Variants in PTER observed in about 807,000 individuals in gnomAD.
PTER encodes the protein N-acetyltaurine hydrolase.
PTER carries 38 observed loss-of-function variants against 29.6 expected under a neutral mutation model. That is an observed-to-expected ratio of 1.28 (90% CI 0.99 to 1.68). The LOEUF (loss-of-function observed/expected upper bound fraction) is 1.68, where lower values mean the gene tolerates loss of function less well. Among genes scored for constraint, PTER ranks in the 40% most tolerant of loss-of-function variants. The pLI, the probability that PTER is intolerant of heterozygous loss-of-function variation, is 0.00. For synonymous variants in PTER, 172 were observed against 154.5 expected, an observed-to-expected ratio of 1.11 and a Z score of -0.84; for missense variants, 482 against 427.8, an observed-to-expected ratio of 1.13 and a Z score of -1.12.
At chr10:16,457,274 G>A (rs1459798223) in intron 1 of PTER, among the ~76,000 whole-genome samples, 2 of 149,834 alleles carry the variant, frequency 1.3e-5, no homozygotes, top group Non-Finnish European at 3.0e-5. Flanking sequence ...GTGCAGTGGC[G>A]CGATCTCGGC....
chr10:16,442,788 T>C lies in PTER; in HGVS notation c.-49+5741T>C, dbSNP rs558020264. On this transcript the variant is annotated intron_variant, in intron 1 of 4. Transcript: ENST00000535784. Reference sequence around the variant, plus strand: ...TGAGGTCAAGAGTTCGATACCAGCCTGGCCAACATGGCGAAACCCCATCTC... The same window carrying C: ...TGAGGTCAAGAGTTCGATACCAGCCCGGCCAACATGGCGAAACCCCATCTC... 2.6e-5 allele frequency among the ~76,000 whole-genome samples: 4 copies of C among 152,290 alleles called. No homozygotes were observed. In the South Asian group the frequency reaches 8.3e-4, roughly 32 times the overall value.
chr10:16,452,194 T>TACACACACACACACACACACACACAC (rs375537112), intron 1 of PTER, among the ~76,000 whole-genome samples: 1 of 146,254 alleles, frequency 6.8e-6, no homozygotes, highest in African/African-American at 2.5e-5. Flanking sequence ...ACCAGTGGGA[T>TACACACACACACACACACACACACAC]ACACACACAC....
chr10:16,497,353 G>A (rs1453862232), intron 3 of PTER, among the ~76,000 whole-genome samples: 5 of 149,392 alleles, frequency 3.3e-5, no homozygotes, highest in African/African-American at 5.0e-5. Context: ...TTCTTCGTTC[G>A]CAATACTGTG....
intron 1 of PTER, among the ~76,000 whole-genome samples, chr10:16,446,798 TG>T (rs1329110531): frequency 2.0e-5 from 3 of 152,118 alleles, no homozygotes; most frequent in Non-Finnish European, 4.4e-5. Context: ...TGTTTTGTTT[TG>T]TTTTTTTGAG....
intron 1 of PTER, among the ~76,000 whole-genome samples, chr10:16,472,756 T>A (rs1299561290): frequency 6.6e-6 from 1 of 152,204 alleles, no homozygotes; most frequent in Non-Finnish European, 1.5e-5. Flanking sequence ...TGGACAGCTT[T>A]TTGAAATTTG....
In PTER at chr10:16,486,557, T is replaced by C; in HGVS notation, c.638T>C (p.Ile213Thr). The C allele has an allele frequency of 1.2e-6, 2 of 1,614,008 alleles. No homozygotes were observed. The highest frequency in any genetic ancestry group is 1.7e-6 in the Non-Finnish European group (2 of 1,179,960). Residue 213 changes from isoleucine to threonine, a missense_variant, in exon 3 of 5, where the codon ATC (isoleucine) becomes ACC (threonine). Transcript: ENST00000535784. ...AGCTCCAGGGCACCATTTCAGATTA[T>C]CCGAATATTGCAAGAAGCAGGCGCA... The part of the protein sequence containing the change: ...GRSSRAPFQI[I>T]RILQEAGADI...
chr10:16,517,025 T>C (rs1052572211), downstream of PTER, among the ~76,000 whole-genome samples: 12 of 152,228 alleles, frequency 7.9e-5, no homozygotes, highest in African/African-American at 2.9e-4. Flanking sequence ...TTTCAAGCTC[T>C]AGTATTCAGC....
In PTER at chr10:16,462,645, T is replaced by G. The variant is rs113877847; in HGVS notation, c.-48-21692T>G. On this transcript the variant is annotated intron_variant, in intron 1 of 4. Transcript: ENST00000535784. Reference sequence around the variant, plus strand: ...GAGTGCAGTGATGCAATCTTAGCGCTCTGTAGACTCCGGCTCCCAGGTTAA... The same window carrying G: ...GAGTGCAGTGATGCAATCTTAGCGCGCTGTAGACTCCGGCTCCCAGGTTAA... 5.7e-4 allele frequency among the ~76,000 whole-genome samples: 86 copies of G among 149,960 alleles called. 1 individual carries two copies. Among genetic ancestry groups the G allele is most frequent in the African/African-American group, 2.0e-3 (80 of 40,640 alleles).
chr10:16,504,410 T>C (rs1836481139), intron 3 of PTER, among the ~76,000 whole-genome samples: 1 of 152,204 alleles, frequency 6.6e-6, no homozygotes, highest in Non-Finnish European at 1.5e-5. Context: ...ATAAATTTTA[T>C]TTAAAAAATA....
chr10:16,507,031 T>C lies in PTER; in HGVS notation c.839+1871T>C, dbSNP rs188413684. 4.5e-3 allele frequency among the ~76,000 whole-genome samples: 674 copies of C among 150,858 alleles called. 4 individuals are homozygous for C. The highest frequency in any genetic ancestry group is 6.8e-3 in the Admixed American group (103 of 15,126). ...CAGAAAATGGGAACAGTTCAAGAGATTGAGGGTTGGGATTCTATCTGAAAG... is the reference window on the plus strand; with the variant it reads ...CAGAAAATGGGAACAGTTCAAGAGACTGAGGGTTGGGATTCTATCTGAAAG... On this transcript the variant is annotated intron_variant, in intron 4 of 4. Coordinates refer to ENST00000535784, the MANE Select transcript of PTER (RefSeq NM_001261836.2).
downstream of PTER, among the ~76,000 whole-genome samples, chr10:16,516,400 A>G (rs1836951454): frequency 6.6e-6 from 1 of 152,214 alleles, no homozygotes; most frequent in East Asian, 1.9e-4. Context: ...AAACAAATCT[A>G]CAAGAAGGAT....
chr10:16,466,085 T>A (rs893279350), intron 1 of PTER, among the ~76,000 whole-genome samples: 1 of 152,016 alleles, frequency 6.6e-6, no homozygotes, highest in African/African-American at 2.4e-5. Context: ...TAGCTTAGAG[T>A]TGTACCTAGT....
chr10:16,469,391 G>T (rs1044849315), intron 1 of PTER, among the ~76,000 whole-genome samples: 1 of 152,180 alleles, frequency 6.6e-6, no homozygotes, highest in African/African-American at 2.4e-5. Flanking sequence ...TAGAAAGAGC[G>T]CTGTATAGGC....
intron 1 of PTER, among the ~76,000 whole-genome samples, chr10:16,446,636 A>T (rs1038585888): frequency 6.6e-6 from 1 of 152,154 alleles, no homozygotes; most frequent in Non-Finnish European, 1.5e-5. Context: ...GAACATATGC[A>T]GTTTCTTAGC....
At chr10:16,497,116 G>A (rs1046782745) in intron 3 of PTER, among the ~76,000 whole-genome samples, 2 of 151,962 alleles carry the variant, frequency 1.3e-5, no homozygotes, top group Non-Finnish European at 2.9e-5. Flanking sequence ...TGTATTTTTA[G>A]TAGAGACGAG....
intron 1 of PTER, among the ~76,000 whole-genome samples, chr10:16,461,777 C>T (rs1227415386): frequency 6.6e-6 from 1 of 152,146 alleles, no homozygotes; most frequent in African/African-American, 2.4e-5. Context: ...TTTTTGTAAT[C>T]ATCAAACCAT....
intron 3 of PTER, among the ~76,000 whole-genome samples, chr10:16,503,329 T>C (rs1836436454): frequency 6.6e-6 from 1 of 151,676 alleles, no homozygotes; most frequent in Admixed American, 6.6e-5. Flanking sequence ...TGGTTTCAAG[T>C]GATTCTCATG....
rs1023027143 is a variant in PTER at position 16,504,674 on chromosome 10, C to T, written c.699-346C>T. 3.9e-5 allele frequency among the ~76,000 whole-genome samples: 6 copies of T among 152,098 alleles called. 1 individual carries two copies. The highest frequency in any genetic ancestry group is 4.1e-4 in the South Asian group (2 of 4,824). The stretch of plus-strand genomic sequence containing the variant: ...CAGTCTTTAGAGGATGAAAATTTAC[C>T]CCATTAAGGATTCTCAAAATAGTGT... On this transcript the variant is annotated intron_variant, in intron 3 of 4. Coordinates refer to ENST00000535784, the MANE Select transcript of PTER (RefSeq NM_001261836.2).
intron 3 of PTER, 128 bp from the exon 4 acceptor site, chr10:16,504,892 C>T (rs1485585194): frequency 1.0e-6 from 1 of 1,003,858 alleles, no homozygotes; most frequent in East Asian, 2.4e-5. Flanking sequence ...AGAGCCATTT[C>T]AGAAGTGTCT....
Sources: gnomAD v4.1 joint callset for allele counts (sites outside exome capture counted in the v4.1 genomes callset) on GRCh38, gnomAD v4.1.1 for gene constraint, MANE v1.5 for transcripts, NCBI Gene and HGNC (gene_info 2026-07-23, HGNC 2026-07-21) for gene names.